The following MSR1 variants were observed in gnomAD, a reference collection of about 807,000 sequenced individuals.
MSR1 encodes macrophage scavenger receptor 1, also known as macrophage scavenger receptor types I and II.
Under a neutral mutation model 47.2 loss-of-function variants are expected in MSR1, and 53 were observed. The observed-to-expected ratio is 1.12, with a 90% confidence interval of 0.90 to 1.41. The LOEUF is 1.41. Ranked by LOEUF, MSR1 falls within the 40% of genes most tolerant of loss-of-function variation. The probability of loss-of-function intolerance (pLI) is 0.00; values close to 1 mark genes in which losing one functional copy is unlikely to be tolerated. For missense variants in MSR1, 786 were observed against 546.9 expected (o/e 1.44, Z -4.36); for synonymous variants, 239 against 185.6 (o/e 1.29, Z -2.34).
At chr8:16,135,307 T>C (rs1233293399) in intron 8 of MSR1, among the ~76,000 whole-genome samples, 1 of 152,140 alleles carries the variant, frequency 6.6e-6, no homozygotes, top group Non-Finnish European at 1.5e-5. Context: ...AATGCTCATT[T>C]GCTATTCTGA....
intron 9 of MSR1, among the ~76,000 whole-genome samples, chr8:16,111,442 T>C (rs958870060): frequency 3.5e-4 from 54 of 152,146 alleles, no homozygotes; most frequent in African/African-American, 1.3e-3. Context: ...TTTCGAATTG[T>C]ATTTTGTAGG....
intron 8 of MSR1, among the ~76,000 whole-genome samples, chr8:16,136,216 T>C (rs1231257754): frequency 1.3e-5 from 2 of 152,114 alleles, no homozygotes; most frequent in African/African-American, 4.8e-5. Flanking sequence ...AGGAGAAGAC[T>C]CCATCAACGT....
chr8:16,154,269 T>C (rs1054152469), intron 6 of MSR1, among the ~76,000 whole-genome samples: 1 of 151,980 alleles, frequency 6.6e-6, no homozygotes, highest in Non-Finnish European at 1.5e-5. Flanking sequence ...CTACTTATAA[T>C]TAGACCTTGC....
chr8:16,171,116 C>G (rs1404303188), intron 3 of MSR1, among the ~76,000 whole-genome samples: 2 of 149,124 alleles, frequency 1.3e-5, no homozygotes, highest in Non-Finnish European at 3.0e-5. Context: ...CCCAGCTGCT[C>G]GGGAGGCTGA....
At chr8:16,147,656 T>G (rs1017377037) in intron 7 of MSR1, among the ~76,000 whole-genome samples, 2 of 152,140 alleles carry the variant, frequency 1.3e-5, no homozygotes, top group African/African-American at 4.8e-5. Flanking sequence ...TTTTAGCACC[T>G]TCTTCAGACT....
intron 3 of MSR1, among the ~76,000 whole-genome samples, chr8:16,171,228 CAAAAAAAA>C (rs34662759): frequency 1.3e-5 from 1 of 75,434 alleles, no homozygotes. Flanking sequence ...GACTCAGTCT[CAAAAAAAA>C]AAAAAAAAAA....
chr8:16,110,201 G>T lies in MSR1; in HGVS notation c.1240C>A (p.Leu414Met). ...HFGQGTGPIW[L>M]NEVFCFGRES... ...CTCCCAAAACAAAACACTTCATTCA[G>T]CCATATTGGACCAGTACCTGCAATA... Residue 414 changes from leucine (L) to methionine (M), a missense_variant, in exon 10 of 10, where the codon CTG becomes ATG. By Grantham distance (15) the Leu-to-Met change is conservative (BLOSUM62 2). Transcript: ENST00000262101. 6.2e-7 allele frequency: 1 copy of T among 1,613,440 alleles called. No homozygotes were observed. Among genetic ancestry groups the T allele is most frequent in the Non-Finnish European group, 8.5e-7 (1 of 1,179,622 alleles).
chr8:16,120,804 T>G (rs1184748167), intron 8 of MSR1, 198 bp from the exon 9 acceptor site: 1 of 679,040 alleles, frequency 1.5e-6, no homozygotes, highest in Non-Finnish European at 2.4e-6. Context: ...TATTGCAGCT[T>G]TAACAGCTGT....
chr8:16,173,633 T>G (rs1332324512), intron 3 of MSR1, among the ~76,000 whole-genome samples: 1 of 152,140 alleles, frequency 6.6e-6, no homozygotes. Flanking sequence ...AATATTTTCC[T>G]GTGGTGACTT....
chr8:16,177,263 T>C (rs1291158736), intron 2 of MSR1, among the ~76,000 whole-genome samples: 1 of 152,134 alleles, frequency 6.6e-6, no homozygotes, highest in African/African-American at 2.4e-5. Context: ...AATGAAGTGA[T>C]ATTGGATTAG....
chr8:16,139,576 C>CA lies in MSR1; in HGVS notation c.1033+3981dup, dbSNP rs956274952. 2.4e-4 allele frequency: 235 copies of CA among 976,174 alleles called. 1 individual carries two copies. Among genetic ancestry groups the CA allele is most frequent in the Non-Finnish European group, 2.4e-4 (199 of 822,774 alleles). The allele number at this position is 976,174 out of a possible 1,614,324, so 60.5% of individuals were successfully genotyped here. Reference sequence around the variant, plus strand: ...AGTCTGTTGATCAGTAGAGAGAAACCAAAAATATAACATGTAATCCCATAA... The same window carrying CA: ...AGTCTGTTGATCAGTAGAGAGAAACCAAAAAATATAACATGTAATCCCATAA... On this transcript the variant is annotated intron_variant, in intron 8 of 9. Transcript: ENST00000262101.
intron 9 of MSR1, among the ~76,000 whole-genome samples, chr8:16,112,946 T>G (rs1799792858): frequency 7.1e-6 from 1 of 140,622 alleles, no homozygotes; most frequent in Admixed American, 7.2e-5. Context: ...TTTTTAAGTT[T>G]TTTTTTTTTT....
intron 8 of MSR1, among the ~76,000 whole-genome samples, chr8:16,131,441 G>GTTTTTTTTTTTTTTTTTTTTT (rs56321577): frequency 3.7e-5 from 2 of 54,662 alleles, no homozygotes; most frequent in African/African-American, 1.6e-4. Flanking sequence ...TCTGTTGATA[G>GTTTTTTTTTTTTTTTTTTTTT]TTTTTTTTTT....
rs187917827 is a variant in MSR1, at chr8:16,182,291, C to T, written c.-4-4299G>A. 8.3e-4 allele frequency among the ~76,000 whole-genome samples: 127 copies of T among 152,260 alleles called. 1 individual carries two copies. The highest frequency in any genetic ancestry group is 1.2e-3 in the Non-Finnish European group (82 of 68,022). On this transcript the variant is annotated intron_variant, in intron 1 of 9. Transcript: ENST00000262101. ...ATGAAACTTGCAGGACTGGAAGTTG[C>T]TCTGGGTGAGTCAGTGAGTGAGCGG...
At chr8:16,180,238 T>G (rs1480791519) in intron 1 of MSR1, among the ~76,000 whole-genome samples, 1 of 152,084 alleles carries the variant, frequency 6.6e-6, no homozygotes, top group Non-Finnish European at 1.5e-5. Context: ...CATATAAATA[T>G]GTCCTTGTAC....
rs531243880 is a variant in MSR1, at chr8:16,143,406, A to G, written c.1033+152T>C. On this transcript the variant is annotated intron_variant, in intron 8 of 9. Coordinates refer to ENST00000262101, the MANE Select transcript of MSR1 (RefSeq NM_138715.3). ...ATCTATTTGTTTTACCCCAATTAGC[A>G]TGCTTATTTGTAGAAAATTATGTTT... 26 of 596,028 alleles carry G rather than the reference A, an allele frequency of 4.4e-5. No individual in the cohort carries two copies. In the East Asian group the frequency reaches 6.7e-4, roughly 15 times the overall value. 36.9% of individuals were successfully genotyped at this position (596,028 alleles called of 1,614,324 possible). A position where few individuals can be genotyped will look rare whatever the true frequency, so the allele number is the denominator to read the frequency against.
intron 1 of MSR1, among the ~76,000 whole-genome samples, chr8:16,187,623 C>T (rs1236825483): frequency 2.0e-5 from 3 of 151,936 alleles, no homozygotes; most frequent in African/African-American, 7.3e-5. Flanking sequence ...TGAAGGTGCT[C>T]ATTACATACA....
intron 8 of MSR1, among the ~76,000 whole-genome samples, chr8:16,135,358 C>G (rs979741765): frequency 6.6e-6 from 1 of 152,234 alleles, no homozygotes; most frequent in African/African-American, 2.4e-5. Flanking sequence ...ATGTCCTCTC[C>G]CTGTGCTCTA....
At chr8:16,146,873 C>T (rs1410461743) in intron 7 of MSR1, among the ~76,000 whole-genome samples, 1 of 152,142 alleles carries the variant, frequency 6.6e-6, no homozygotes, top group Non-Finnish European at 1.5e-5. Context: ...CTACTCGAAA[C>T]TTCAGACTCA....
Sources: gnomAD v4.1 joint callset for allele counts (sites outside exome capture counted in the v4.1 genomes callset) on GRCh38, gnomAD v4.1.1 for gene constraint, MANE v1.5 for transcripts, NCBI Gene and HGNC (gene_info 2026-07-23, HGNC 2026-07-21) for gene names.